Variants in NCOA1 observed in about 807,000 individuals in gnomAD.
The protein encoded by NCOA1 is Hin-2 protein.
NCOA1 carries 35 observed loss-of-function variants against 150.9 expected under a neutral mutation model. The observed-to-expected ratio is 0.23, with a 90% CI of 0.18 to 0.31. NCOA1 has a LOEUF of 0.31. Among genes scored for constraint, NCOA1 ranks in the 10% least tolerant of loss-of-function variants. The pLI is 1.00. For synonymous variants in NCOA1, 590 were observed against 630.0 expected (o/e 0.94, Z 0.95); for missense variants, 1,491 against 1,749.3 (o/e 0.85, Z 2.63).
chr2:24,719,192 G>A (rs1419380411), intron 14 of NCOA1, among the ~76,000 whole-genome samples: 1 of 152,022 alleles, frequency 6.6e-6, no homozygotes, highest in Non-Finnish European at 1.5e-5. Flanking sequence ...CATGCTAAGT[G>A]AAAAAAGCCA....
chr2:24,692,933 T>C (rs1256862109), intron 9 of NCOA1, among the ~76,000 whole-genome samples: 1 of 152,222 alleles, frequency 6.6e-6, no homozygotes, highest in Non-Finnish European at 1.5e-5. Flanking sequence ...TGATCTCGGC[T>C]CACTGCAAGC....
intron 2 of NCOA1, among the ~76,000 whole-genome samples, chr2:24,575,708 G>C (rs1050468030): frequency 2.0e-5 from 3 of 151,728 alleles, no homozygotes; most frequent in Non-Finnish European, 4.4e-5. Context: ...TGAGTAGCTG[G>C]GACTACAGGT....
chr2:24,763,542 A>T (rs1664895196), intron 22 of NCOA1, among the ~76,000 whole-genome samples: 1 of 150,916 alleles, frequency 6.6e-6, no homozygotes, highest in Non-Finnish European at 1.5e-5. Flanking sequence ...CATCTCAAAA[A>T]AAAAAAAAAA....
chr2:24,522,651 T>C (rs1664464595), intron 1 of NCOA1, among the ~76,000 whole-genome samples: 1 of 152,138 alleles, frequency 6.6e-6, no homozygotes, highest in African/African-American at 2.4e-5. Flanking sequence ...AGTAAGAGAA[T>C]GCAGTAATCA....
intron 1 of NCOA1, among the ~76,000 whole-genome samples, chr2:24,542,835 T>C (rs1195358973): frequency 2.6e-5 from 4 of 152,216 alleles, no homozygotes; most frequent in African/African-American, 9.6e-5. Context: ...TTTAGAATAA[T>C]ATAATTAGTA....
At chr2:24,762,544 T>G in intron 21 of NCOA1, 143 bp from the exon 22 acceptor site, 1 of 711,892 alleles carries the variant, frequency 1.4e-6, no homozygotes, top group Non-Finnish European at 2.4e-6. Context: ...TCCTGACTTG[T>G]AACAACACAG....
At chr2:24,662,186 C>G (rs950916881) in intron 5 of NCOA1, among the ~76,000 whole-genome samples, 3 of 152,184 alleles carry the variant, frequency 2.0e-5, no homozygotes, top group Non-Finnish European at 4.4e-5. Flanking sequence ...TGTTAGACAT[C>G]AGGGTATTGC....
chr2:24,628,105 G>C (rs922974032), intron 3 of NCOA1, among the ~76,000 whole-genome samples: 3 of 152,086 alleles, frequency 2.0e-5, no homozygotes, highest in Non-Finnish European at 2.9e-5. Flanking sequence ...TTTGAGACCA[G>C]CTTGGCCAAC....
chr2:24,635,350 TC>T (rs1245867893), intron 3 of NCOA1, among the ~76,000 whole-genome samples: 1 of 152,182 alleles, frequency 6.6e-6, no homozygotes, highest in Non-Finnish European at 1.5e-5. Flanking sequence ...GTTTCCCTGT[TC>T]CCTTGCTTGA....
chr2:24,625,043 G>A (rs375119210), intron 3 of NCOA1, among the ~76,000 whole-genome samples: 2 of 152,282 alleles, frequency 1.3e-5, no homozygotes, highest in East Asian at 3.9e-4. Context: ...TTTGTTTATG[G>A]ACAGTGAAAT....
intron 1 of NCOA1, among the ~76,000 whole-genome samples, chr2:24,514,035 TCTCAGCACTTTGGGAGGCCGAGGCAGG>T (rs1179083022): frequency 6.6e-6 from 1 of 152,046 alleles, no homozygotes; most frequent in African/African-American, 2.4e-5. Flanking sequence ...ATGCCTGTAA[TCTCAGCACTTTGGGAGGCCGAGGCAGG>T]CGGATCACGA....
chr2:24,511,242 T>G (rs1034652876), intron 1 of NCOA1, among the ~76,000 whole-genome samples: 2 of 152,246 alleles, frequency 1.3e-5, no homozygotes, highest in African/African-American at 4.8e-5. Context: ...GAATAATGCT[T>G]CTCTGAACTT....
intron 12 of NCOA1, 116 bp downstream of exon 12, chr2:24,705,349 C>T: frequency 9.9e-7 from 1 of 1,012,114 alleles, no homozygotes; most frequent in Non-Finnish European, 1.5e-6. Flanking sequence ...AGGCGTAAAA[C>T]TAGTGTGATG....
At chr2:24,612,768 C>T (rs1003160800) in intron 3 of NCOA1, among the ~76,000 whole-genome samples, 1 of 152,154 alleles carries the variant, frequency 6.6e-6, no homozygotes, top group Non-Finnish European at 1.5e-5. Flanking sequence ...AAGTATTTAC[C>T]GCTTCCTTCA....
intron 14 of NCOA1, among the ~76,000 whole-genome samples, chr2:24,718,421 A>G (rs1674168317): frequency 1.3e-5 from 2 of 152,162 alleles, no homozygotes; most frequent in Admixed American, 6.5e-5. Flanking sequence ...CATAAAGTTA[A>G]TCATACATTT....
intron 2 of NCOA1, among the ~76,000 whole-genome samples, chr2:24,575,648 A>G (rs939931302): frequency 2.0e-5 from 3 of 147,048 alleles, no homozygotes. Context: ...ATCTTGGCTC[A>G]CTGCAACCTC....
At chr2:24,566,929 T>C (rs1381953170) in intron 2 of NCOA1, among the ~76,000 whole-genome samples, 7 of 152,190 alleles carry the variant, frequency 4.6e-5, no homozygotes, top group African/African-American at 1.7e-4. Flanking sequence ...TCCCTAAGAG[T>C]GCAGAGAAGT....
intron 1 of NCOA1, among the ~76,000 whole-genome samples, chr2:24,537,410 G>GATA (rs1262882287): frequency 1.3e-5 from 2 of 151,808 alleles, no homozygotes; most frequent in African/African-American, 4.8e-5. Flanking sequence ...ATATGTGGGA[G>GATA]ATTATATATA....
chr2:24,502,940 T>C (rs1663527081), intron 1 of NCOA1, among the ~76,000 whole-genome samples: 1 of 152,218 alleles, frequency 6.6e-6, no homozygotes, highest in Non-Finnish European at 1.5e-5. Context: ...CCTTGTACCT[T>C]ATGAAATTTT....
Sources: allele counts gnomAD v4.1 joint callset (sites outside exome capture counted in the v4.1 genomes callset), GRCh38; gene constraint gnomAD v4.1.1; transcripts MANE v1.5; gene names NCBI Gene and HGNC (gene_info 2026-07-23, HGNC 2026-07-21).